The following RSRC1 variants were observed in gnomAD, a reference collection of about 807,000 sequenced individuals.
RSRC1 encodes the protein arginine and serine rich coiled-coil 1.
Under a neutral mutation model 49.1 loss-of-function variants are expected in RSRC1, and 39 were observed. That is an observed-to-expected ratio of 0.79 (90% CI 0.61 to 1.04). RSRC1 has a LOEUF of 1.04. Ranked by LOEUF, RSRC1 falls within the 50% of genes least tolerant of loss-of-function variation. The pLI is 0.00. For missense variants in RSRC1, 388 were observed against 402.4 expected, an observed-to-expected ratio of 0.96 and a Z score of 0.31; for synonymous variants, 143 against 130.8, an observed-to-expected ratio of 1.09 and a Z score of -0.63.
chr3:158,267,499 A>G (rs141202350), intron 4 of RSRC1, among the ~76,000 whole-genome samples: 50 of 151,758 alleles, frequency 3.3e-4, no homozygotes, highest in African/African-American at 1.2e-3. Flanking sequence ...ACCACTTGCT[A>G]TTGTCCTACA....
chr3:158,285,396 T>C (rs1726463298), intron 4 of RSRC1, among the ~76,000 whole-genome samples: 2 of 152,336 alleles, frequency 1.3e-5, no homozygotes, highest in South Asian at 4.1e-4. Context: ...TGGTTCCATA[T>C]GAACTTTAAA....
At chr3:158,169,881 T>C (rs1718772962) in intron 3 of RSRC1, among the ~76,000 whole-genome samples, 1 of 152,194 alleles carries the variant, frequency 6.6e-6, no homozygotes, top group African/African-American at 2.4e-5. Flanking sequence ...AATCTTACTA[T>C]TATGTAGAAC....
intron 6 of RSRC1, among the ~76,000 whole-genome samples, chr3:158,407,156 C>A (rs1031971159): frequency 3.3e-5 from 5 of 152,198 alleles, no homozygotes; most frequent in Middle Eastern, 3.4e-3. Context: ...TTGATCCTTA[C>A]AGTTTGTTTT....
chr3:158,517,755 A>ATTTTTTTTTT lies in RSRC1; in HGVS notation c.653-19308_653-19299dup, dbSNP rs766129663. On this transcript the variant is annotated intron_variant, in intron 7 of 9. Transcript: ENST00000611884. ...AGGTGTATACCACAACACCCAGCTA[A>ATTTTTTTTTT]TTTTTTTTTTTTTTTTTTTTTTTTT... is the stretch of plus-strand genomic sequence containing the variant. Among the ~76,000 whole-genome samples, 65 of 35,158 alleles carry ATTTTTTTTTT rather than the reference A, an allele frequency of 1.8e-3. 2 individuals carry two copies. The highest frequency in any genetic ancestry group is 3.2e-3 in the Non-Finnish European group (52 of 16,410). The allele number at this position is 35,158 out of a possible 152,430, so 23.1% of individuals were successfully genotyped here.
chr3:158,291,234 A>G (rs767983650), intron 4 of RSRC1, among the ~76,000 whole-genome samples: 1 of 152,188 alleles, frequency 6.6e-6, no homozygotes, highest in Non-Finnish European at 1.5e-5. Flanking sequence ...TAATTACTAT[A>G]TATGTACATA....
At position 158,257,337 on chromosome 3, in the gene RSRC1, A is replaced by G. The variant is rs555358566; in HGVS notation, c.495-40702A>G. On this transcript the variant is annotated intron_variant, in intron 4 of 9. Coordinates refer to ENST00000611884, the MANE Select transcript of RSRC1 (RefSeq NM_001271838.2). ...TGCCTTCATTTTATTATTTACTGGTATATGTTTATTTATAATTGCTTTATC... is the reference window on the plus strand; with the variant it reads ...TGCCTTCATTTTATTATTTACTGGTGTATGTTTATTTATAATTGCTTTATC... Among the ~76,000 whole-genome samples the G allele has an allele frequency of 1.3e-4, 19 of 151,794 alleles. 1 individual carries two copies. The highest frequency in any genetic ancestry group is 1.0e-3 in the Admixed American group (16 of 15,242).
intron 4 of RSRC1, among the ~76,000 whole-genome samples, chr3:158,283,896 CTAT>C (rs1726334792): frequency 1.4e-5 from 2 of 139,424 alleles, no homozygotes; most frequent in East Asian, 2.1e-4. Context: ...TTTTTTTTTA[CTAT>C]TATTATTATA....
chr3:158,323,279 T>G (rs1289872188), intron 5 of RSRC1, among the ~76,000 whole-genome samples: 2 of 152,208 alleles, frequency 1.3e-5, no homozygotes, highest in African/African-American at 4.8e-5. Context: ...TCTGCTTTTT[T>G]AGCATGGCTC....
rs1383675282 is a variant in RSRC1, at chr3:158,186,757, G to A, written c.321-16315G>A. ...GGGTTATATGCTTTTTTAGAGGGGA[G>A]GCACTGACTTTCTGCATTTCTCTTT... On this transcript the variant is annotated intron_variant, in intron 3 of 9. Transcript: ENST00000611884. Among the ~76,000 whole-genome samples the A allele has an allele frequency of 2.6e-5, 4 of 151,790 alleles. 1 individual carries two copies. Among genetic ancestry groups the A allele is most frequent in the African/African-American group, 9.7e-5 (4 of 41,376 alleles).
chr3:158,355,864 A>G (rs1731129628), intron 6 of RSRC1, among the ~76,000 whole-genome samples: 1 of 151,894 alleles, frequency 6.6e-6, no homozygotes, highest in Non-Finnish European at 1.5e-5. Context: ...ATCTATATCT[A>G]TATTTATCTA....
chr3:158,252,224 T>G (rs1724255383), intron 4 of RSRC1, among the ~76,000 whole-genome samples: 1 of 151,804 alleles, frequency 6.6e-6, no homozygotes. Flanking sequence ...TGCAGTGGCA[T>G]GATCTCGGCT....
At chr3:158,264,179 C>T (rs1055434329) in intron 4 of RSRC1, among the ~76,000 whole-genome samples, 8 of 152,088 alleles carry the variant, frequency 5.3e-5, no homozygotes, top group Non-Finnish European at 1.0e-4. Context: ...TAGTATTATA[C>T]ATGTATTTCT....
intron 3 of RSRC1, among the ~76,000 whole-genome samples, chr3:158,193,580 C>A (rs915619294): frequency 2.0e-5 from 3 of 151,938 alleles, no homozygotes; most frequent in African/African-American, 7.3e-5. Context: ...ATGCATATAA[C>A]GTATTTATAT....
intron 4 of RSRC1, among the ~76,000 whole-genome samples, chr3:158,294,315 C>T (rs1727109931): frequency 6.6e-6 from 1 of 151,984 alleles, no homozygotes; most frequent in South Asian, 2.1e-4. Flanking sequence ...CCTCTGAATT[C>T]TTTATTTCAA....
intron 3 of RSRC1, among the ~76,000 whole-genome samples, chr3:158,137,655 CTTTTTT>C (rs11388972): frequency 7.2e-6 from 1 of 138,522 alleles, no homozygotes; most frequent in Admixed American, 7.3e-5. Flanking sequence ...TTTTCTTTTT[CTTTTTT>C]TTTTTTTTTG....
intron 6 of RSRC1, among the ~76,000 whole-genome samples, chr3:158,380,701 G>A (rs1459430906): frequency 6.6e-6 from 1 of 151,846 alleles, no homozygotes; most frequent in East Asian, 1.9e-4. Context: ...CAAGTTGTGG[G>A]AAAATACCAC....
rs552438765 is a variant in RSRC1, at chr3:158,470,184, C to T, written c.652+9181C>T. On this transcript the variant is annotated intron_variant, in intron 7 of 9. Transcript: ENST00000611884. ...TTTATCCCCAAAAAAGTTGTCTTTC[C>T]CAATACATATTGTTAGCATCACTGG... Among the ~76,000 whole-genome samples the T allele has an allele frequency of 1.4e-4, 21 of 151,948 alleles. No homozygotes were observed. In the East Asian group the frequency reaches 3.7e-3, roughly 27 times the overall value.
chr3:158,365,376 C>T (rs1320260330), intron 6 of RSRC1, among the ~76,000 whole-genome samples: 2 of 152,016 alleles, frequency 1.3e-5, no homozygotes, highest in Admixed American at 6.6e-5. Flanking sequence ...TCAACTCCCA[C>T]TTATGAGTGA....
chr3:158,480,507 GT>G (rs1261544533), intron 7 of RSRC1, among the ~76,000 whole-genome samples: 2 of 151,892 alleles, frequency 1.3e-5, no homozygotes, highest in Non-Finnish European at 2.9e-5. Context: ...GCGAAATTTG[GT>G]TTTTTCTAAT....
Sources: allele counts gnomAD v4.1 joint callset (sites outside exome capture counted in the v4.1 genomes callset), GRCh38; gene constraint gnomAD v4.1.1; transcripts MANE v1.5; gene names NCBI Gene and HGNC (gene_info 2026-07-23, HGNC 2026-07-21).